TTYH2: variants seen among roughly 807,000 people sequenced by gnomAD.
TTYH2 encodes tweety family member 2, also known as protein tweety homolog 2.
In TTYH2, 49 loss-of-function variants were observed where a neutral mutation model predicts 68.3. The observed-to-expected ratio is 0.72, with a 90% CI of 0.57 to 0.91. The LOEUF (loss-of-function observed/expected upper bound fraction) is 0.91, where lower values mean the gene tolerates loss of function less well. Ranked by LOEUF, TTYH2 falls within the 40% of genes least tolerant of loss-of-function variation. The pLI, the probability that TTYH2 is intolerant of heterozygous loss-of-function variation, is 0.00. For synonymous variants in TTYH2, 272 were observed against 300.8 expected, an observed-to-expected ratio of 0.90 and a Z score of 0.99; for missense variants, 631 against 700.4, an observed-to-expected ratio of 0.90 and a Z score of 1.12.
intron 1 of TTYH2, among the ~76,000 whole-genome samples, chr17:74,220,246 C>T (rs1567809499): frequency 1.3e-5 from 2 of 152,332 alleles, no homozygotes; most frequent in South Asian, 4.1e-4. Context: ...ATCCACTCCT[C>T]ACTCAGATGG....
chr17:74,228,850 A>T (rs1255237506), intron 2 of TTYH2, among the ~76,000 whole-genome samples: 3 of 152,196 alleles, frequency 2.0e-5, no homozygotes, highest in Non-Finnish European at 4.4e-5. Flanking sequence ...ACATTAACCA[A>T]TTAGACTTTC....
At chr17:74,245,349 G>T (rs2050546175) in intron 6 of TTYH2, among the ~76,000 whole-genome samples, 1 of 152,256 alleles carries the variant, frequency 6.6e-6, no homozygotes, top group South Asian at 2.1e-4. Flanking sequence ...GCAGGCAGCT[G>T]CCTGGCCTCC....
chr17:74,243,735 G>A (rs1329702048), intron 5 of TTYH2, among the ~76,000 whole-genome samples: 1 of 152,226 alleles, frequency 6.6e-6, no homozygotes, highest in Non-Finnish European at 1.5e-5. Context: ...GTCCGTGCAT[G>A]AAAGCCTCTG....
rs1483732454 is a variant in TTYH2 at position 74,253,610 on chromosome 17, GC to G, written c.1446-142del. 3.9e-6 allele frequency: 3 copies of G among 764,984 alleles called. No homozygotes were observed. In the African/African-American group the frequency reaches 5.2e-5, roughly 13 times the overall value. The allele number at this position is 764,984 out of a possible 1,614,324, so 47.4% of individuals were successfully genotyped here. A position where few individuals can be genotyped will look rare whatever the true frequency, so the allele number is the denominator to read the frequency against. On this transcript the variant is annotated intron_variant, in intron 12 of 13. Transcript: ENST00000269346. ...TCCCAAGGTGCTCTTCTCCATATCTGCCCACTGCACCCCCTCCACTCTATCT... is the reference window on the plus strand; with the variant it reads ...TCCCAAGGTGCTCTTCTCCATATCTGCCACTGCACCCCCTCCACTCTATCT...
intron 2 of TTYH2, among the ~76,000 whole-genome samples, chr17:74,226,214 T>C (rs1203791461): frequency 1.3e-5 from 2 of 152,110 alleles, no homozygotes; most frequent in Non-Finnish European, 2.9e-5. Flanking sequence ...GGGTGGCCAG[T>C]GTGGAAGTCA....
intron 3 of TTYH2, 80 bp from the exon 4 acceptor site, chr17:74,237,214 T>C (rs763657663): frequency 2.8e-6 from 4 of 1,441,344 alleles, no homozygotes; most frequent in Non-Finnish European, 3.9e-6. Flanking sequence ...CAGGCCACCT[T>C]CTGCTGCCTG....
chr17:74,243,107 G>C (rs570217602), intron 4 of TTYH2, among the ~76,000 whole-genome samples: 2 of 152,352 alleles, frequency 1.3e-5, no homozygotes, highest in Non-Finnish European at 2.9e-5. Flanking sequence ...TCCTCCACTG[G>C]GGAAAGTTCT....
chr17:74,259,847 C>G (rs1346797224), intron 13 of TTYH2, among the ~76,000 whole-genome samples: 1 of 152,194 alleles, frequency 6.6e-6, no homozygotes, highest in East Asian at 1.9e-4. Flanking sequence ...GACTGCTCCT[C>G]CGTGCGCTGG....
Position 74,260,168 on chromosome 17 carries a change from G to C in TTYH2, c.1564G>C (p.Asp522His). ...SMRATYLSVA[D>H]EHLRHYGNQF... Reference sequence around the variant, plus strand: ...GAGAGCCACCTACCTGTCTGTGGCGGATGAGCACCTGAGGCACTACGGGAA... The same window carrying C: ...GAGAGCCACCTACCTGTCTGTGGCGCATGAGCACCTGAGGCACTACGGGAA... Residue 522 changes from aspartate (D) to histidine (H), a missense_variant, in exon 14 of 14, where the codon GAT becomes CAT. Transcript: ENST00000269346. 1 of 1,613,962 alleles carries C rather than the reference G, an allele frequency of 6.2e-7. No individual in the cohort carries two copies. The highest frequency in any genetic ancestry group is 1.1e-5 in the South Asian group (1 of 91,072).
chr17:74,254,309 A>C (rs985816042), intron 13 of TTYH2, among the ~76,000 whole-genome samples: 2 of 152,142 alleles, frequency 1.3e-5, no homozygotes, highest in African/African-American at 2.4e-5. Context: ...GTGGGACTAC[A>C]GGTGCGTGCC....
In TTYH2 at chr17:74,215,635, G is replaced by T; in HGVS notation, c.129+1919G>T. 5.9e-6 allele frequency: 9 copies of T among 1,535,642 alleles called. No homozygotes were observed. The highest frequency in any genetic ancestry group is 2.4e-5 in the East Asian group (1 of 40,918). ...TCACCCCCTCACCACCACTCAGATC[G>T]CTGAGTAGGAGATGAGCGTGGTGGG... On this transcript the variant is annotated intron_variant, in intron 1 of 13. Coordinates refer to ENST00000269346, the MANE Select transcript of TTYH2 (RefSeq NM_032646.6). The surrounding 1 kb of genome is among the most constrained non-coding windows in gnomAD (Gnocchi z 4.3).
chr17:74,244,143 C>T (rs910432965), intron 6 of TTYH2, 94 bp downstream of exon 6: 4 of 1,222,514 alleles, frequency 3.3e-6, no homozygotes, highest in African/African-American at 1.5e-5. Context: ...GGTCCCAGCT[C>T]CTAACCTAGA....
chr17:74,243,228 G>A (rs142320442), intron 4 of TTYH2, 146 bp from the exon 5 acceptor site: 12 of 674,746 alleles, frequency 1.8e-5, no homozygotes, highest in Admixed American at 1.2e-4. Flanking sequence ...TTCAGCCCAC[G>A]CATGCTGGGT....
At chr17:74,253,555 C>T (rs1447222654) in intron 12 of TTYH2, among the ~76,000 whole-genome samples, 200 bp from the exon 13 acceptor site, 1 of 152,210 alleles carries the variant, frequency 6.6e-6, no homozygotes, top group Non-Finnish European at 1.5e-5. Context: ...TCCCAGCCTC[C>T]GTTGCCCATC....
Position 74,249,208 on chromosome 17 carries a change from C to A in TTYH2, c.874+128C>A, listed in dbSNP as rs560844295. ...CCCTGAACTTCAAGTCCAGCTCATG[C>A]TCTAGGCCATTTCCTAGAAAGTGCC... On this transcript the variant is annotated intron_variant, in intron 7 of 13. Transcript: ENST00000269346. 1.4e-5 allele frequency: 22 copies of A among 1,556,724 alleles called. No individual in the cohort carries two copies. The Admixed American group carries it at 3.7e-4, about 26-fold the overall frequency.
intron 2 of TTYH2, among the ~76,000 whole-genome samples, chr17:74,229,996 T>G (rs915646612): frequency 2.0e-5 from 3 of 152,162 alleles, no homozygotes; most frequent in Non-Finnish European, 4.4e-5. Context: ...CCAGGCGTGG[T>G]GGCGGACACC....
intron 6 of TTYH2, among the ~76,000 whole-genome samples, chr17:74,247,744 G>A (rs778175557): frequency 6.6e-6 from 1 of 152,228 alleles, no homozygotes; most frequent in Non-Finnish European, 1.5e-5. Context: ...GCCTGCTGGC[G>A]CCGCAGCTCT....
chr17:74,250,153 C>G, intron 9 of TTYH2, 112 bp from the exon 10 acceptor site: 1 of 1,455,146 alleles, frequency 6.9e-7, no homozygotes, highest in Non-Finnish European at 9.5e-7. Flanking sequence ...GCCCCCGTGA[C>G]TCGGCTCCCT....
intron 3 of TTYH2, among the ~76,000 whole-genome samples, chr17:74,231,951 A>G (rs2050393763): frequency 6.6e-6 from 1 of 151,992 alleles, no homozygotes; most frequent in Non-Finnish European, 1.5e-5. Flanking sequence ...TGGCCCAGGG[A>G]GGAGCACGAC....
Sources: allele counts gnomAD v4.1 joint callset (sites outside exome capture counted in the v4.1 genomes callset), GRCh38; gene constraint gnomAD v4.1.1; non-coding constraint Gnocchi (gnomAD v3.1); transcripts MANE v1.5; gene names NCBI Gene and HGNC (gene_info 2026-07-23, HGNC 2026-07-21).